The following WARS2 variants were observed in gnomAD, a reference collection of about 807,000 sequenced individuals.
The protein encoded by WARS2 is tryptophanyl tRNA synthetase 2, mitochondrial.
In WARS2, 28 loss-of-function variants were observed where a neutral mutation model predicts 36.5. That is an observed-to-expected ratio of 0.77 (90% CI 0.57 to 1.05). WARS2 has a LOEUF of 1.05. Ranked by LOEUF, WARS2 falls within the 50% of genes least tolerant of loss-of-function variation. WARS2 has a pLI of 0.00. For synonymous variants in WARS2, 174 were observed against 178.4 expected (o/e 0.98, Z 0.20); for missense variants, 435 against 456.8 (o/e 0.95, Z 0.44).
At chr1:119,075,659 A>G (rs1433331074) in intron 2 of WARS2, among the ~76,000 whole-genome samples, 1 of 152,202 alleles carries the variant, frequency 6.6e-6, no homozygotes, top group Non-Finnish European at 1.5e-5. Context: ...AAGCAGATAC[A>G]TAATGAAGGC....
intron 1 of WARS2, chr1:119,085,779 T>A (rs1198756922): frequency 6.2e-7 from 1 of 1,602,338 alleles, no homozygotes; most frequent in Non-Finnish European, 8.5e-7. Flanking sequence ...AATCTCCCCA[T>A]ACTGTGAGAA....
intron 2 of WARS2, among the ~76,000 whole-genome samples, chr1:119,053,561 A>G (rs1358081414): frequency 1.3e-5 from 2 of 152,222 alleles, no homozygotes; most frequent in Non-Finnish European, 2.9e-5. Flanking sequence ...TAAAATTTCT[A>G]TGTTGATATA....
chr1:119,089,278 C>T (rs1452015466), intron 1 of WARS2, among the ~76,000 whole-genome samples: 1 of 152,202 alleles, frequency 6.6e-6, no homozygotes, highest in Admixed American at 6.5e-5. Flanking sequence ...CCTTTCTCAT[C>T]CAACCTGTAG....
chr1:119,045,798 C>T, intron 2 of WARS2, 136 bp from the exon 3 acceptor site: 2 of 677,296 alleles, frequency 3.0e-6, no homozygotes, highest in Non-Finnish European at 2.5e-6. Flanking sequence ...GTGAAGGGGG[C>T]TTAGTTCTGA....
intron 1 of WARS2, chr1:119,085,031 C>A: frequency 1.5e-6 from 1 of 655,260 alleles, no homozygotes; most frequent in Non-Finnish European, 2.8e-6. Context: ...AATTCAAAGA[C>A]TCCTGCTCCC....
chr1:119,087,969 C>T (rs1461122712), intron 1 of WARS2, among the ~76,000 whole-genome samples: 1 of 152,102 alleles, frequency 6.6e-6, no homozygotes, highest in Non-Finnish European at 1.5e-5. Context: ...GGGTTCCAAC[C>T]CAGACCTACT....
chr1:119,112,617 A>G (rs975093453), intron 1 of WARS2, among the ~76,000 whole-genome samples: 24 of 152,192 alleles, frequency 1.6e-4, no homozygotes, highest in African/African-American at 5.8e-4. Flanking sequence ...TACGGTGCTC[A>G]TGTCTCATTC....
chr1:119,107,278 G>A (rs940765580), intron 1 of WARS2, among the ~76,000 whole-genome samples: 2 of 152,076 alleles, frequency 1.3e-5, no homozygotes, highest in Admixed American at 1.3e-4. Flanking sequence ...TCTTGACATT[G>A]TGTTTTGCAG....
chr1:119,073,424 C>T (rs1409075845), intron 2 of WARS2, among the ~76,000 whole-genome samples: 1 of 152,040 alleles, frequency 6.6e-6, no homozygotes, highest in African/African-American at 2.4e-5. Context: ...TACAAAGACA[C>T]CTGAGGAAAT....
chr1:119,135,202 A>G (rs915511554), intron 1 of WARS2, among the ~76,000 whole-genome samples: 3 of 152,226 alleles, frequency 2.0e-5, no homozygotes, highest in African/African-American at 7.2e-5. Context: ...GTCCTGATCA[A>G]CAAACTTACT....
At chr1:119,059,155 TG>T (rs1447341334) in intron 2 of WARS2, among the ~76,000 whole-genome samples, 10 of 151,890 alleles carry the variant, frequency 6.6e-5, no homozygotes, top group Non-Finnish European at 1.5e-5. Flanking sequence ...TTGATGGGGT[TG>T]TTTTTTTCTT....
At chr1:119,043,332 C>T (rs1051673749) in intron 3 of WARS2, among the ~76,000 whole-genome samples, 3 of 152,154 alleles carry the variant, frequency 2.0e-5, no homozygotes, top group African/African-American at 7.2e-5. Flanking sequence ...ATGAACTGGG[C>T]AACTGAATTT....
intron 1 of WARS2, among the ~76,000 whole-genome samples, chr1:119,099,330 G>A (rs1345090203): frequency 6.6e-6 from 1 of 152,176 alleles, no homozygotes; most frequent in Non-Finnish European, 1.5e-5. Flanking sequence ...ATGGAAATGT[G>A]TTTAGGTTTT....
chr1:119,041,024 A>G (rs1341616876), intron 4 of WARS2, among the ~76,000 whole-genome samples: 1 of 152,234 alleles, frequency 6.6e-6, no homozygotes, highest in Non-Finnish European at 1.5e-5. Context: ...TTTCATCAGA[A>G]TTGAAGATAG....
intron 2 of WARS2, among the ~76,000 whole-genome samples, chr1:119,071,736 A>C (rs1651332226): frequency 6.6e-6 from 1 of 152,190 alleles, no homozygotes; most frequent in African/African-American, 2.4e-5. Flanking sequence ...TAAGTTCAAG[A>C]GATCTATGGT....
chr1:119,055,302 C>A (rs998106004), intron 2 of WARS2, among the ~76,000 whole-genome samples: 3 of 151,978 alleles, frequency 2.0e-5, no homozygotes, highest in Non-Finnish European at 4.4e-5. Flanking sequence ...TAGAGAGAAA[C>A]GAAATGGCTA....
chr1:119,123,474 G>C (rs901704644), intron 1 of WARS2, among the ~76,000 whole-genome samples: 3 of 152,168 alleles, frequency 2.0e-5, no homozygotes, highest in Non-Finnish European at 2.9e-5. Flanking sequence ...TGCAAGTAGA[G>C]ACTATGTTAA....
At chr1:119,139,338 A>G (rs952473224) in intron 1 of WARS2, among the ~76,000 whole-genome samples, 3 of 152,220 alleles carry the variant, frequency 2.0e-5, no homozygotes, top group Admixed American at 1.3e-4. Flanking sequence ...TAAAAAACGG[A>G]AGTTCAAAAA....
At chr1:119,076,016 A>C (rs1651699637) in intron 2 of WARS2, among the ~76,000 whole-genome samples, 1 of 152,262 alleles carries the variant, frequency 6.6e-6, no homozygotes, top group African/African-American at 2.4e-5. Context: ...CAAGGAGATT[A>C]GTCAACAACA....
Sources: allele counts gnomAD v4.1 joint callset (sites outside exome capture counted in the v4.1 genomes callset), GRCh38; gene constraint gnomAD v4.1.1; transcripts MANE v1.5; gene names NCBI Gene and HGNC (gene_info 2026-07-23, HGNC 2026-07-21).